Variants in MOCS2 observed in about 807,000 individuals in gnomAD.
The protein encoded by MOCS2 is molybdopterin synthase catalytic subunit.
In MOCS2, 13 loss-of-function variants were observed where a neutral mutation model predicts 21.9. The ratio of observed to expected loss-of-function variants is 0.59; its 90% CI spans 0.39 to 0.94. The LOEUF is 0.94. Among genes scored for constraint, MOCS2 ranks in the 40% least tolerant of loss-of-function variants. The probability of loss-of-function intolerance (pLI) is 0.00; values close to 1 mark genes in which losing one functional copy is unlikely to be tolerated. For missense variants in MOCS2, 227 were observed against 218.3 expected, an observed-to-expected ratio of 1.04 and a Z score of -0.25; for synonymous variants, 92 against 80.8, an observed-to-expected ratio of 1.14 and a Z score of -0.74.
At chr5:53,099,729 C>T (rs1740855090) in intron 6 of MOCS2, among the ~76,000 whole-genome samples, 1 of 152,192 alleles carries the variant, frequency 6.6e-6, no homozygotes, top group Non-Finnish European at 1.5e-5. Flanking sequence ...ATCTACTGAG[C>T]TGTTCATTAA....
intron 5 of MOCS2, chr5:53,101,037 G>A: frequency 2.6e-6 from 1 of 390,582 alleles, no homozygotes; most frequent in Non-Finnish European, 4.6e-6. Flanking sequence ...TCTTTTTAGG[G>A]GTACAAAAAG....
intron 3 of MOCS2, among the ~76,000 whole-genome samples, chr5:53,104,903 T>C (rs1278703241): frequency 6.6e-6 from 1 of 152,232 alleles, no homozygotes; most frequent in Non-Finnish European, 1.5e-5. Flanking sequence ...TAATTTCTAC[T>C]GTTTGTTCCT....
intron 5 of MOCS2, 166 bp from the exon 6 acceptor site, chr5:53,100,700 C>A: frequency 2.9e-6 from 2 of 697,248 alleles, no homozygotes; most frequent in Admixed American, 2.5e-5. Flanking sequence ...ATTGCAGTAG[C>A]ATTCAGCAGA....
rs1347253042 is a variant in MOCS2, at chr5:53,096,504, AG to A, written c.*2097del. 1 of 152,194 alleles carries A rather than the reference AG, an allele frequency of 6.6e-6. No individual in the cohort carries two copies. The highest frequency in any genetic ancestry group is 2.4e-5 in the African/African-American group (1 of 41,458). The allele number at this position is 152,194 out of a possible 1,614,324, so 9.4% of individuals were successfully genotyped here. On this transcript the variant is annotated 3_prime_UTR_variant, in exon 7 of 7. Coordinates refer to ENST00000396954, the MANE Select transcript of MOCS2 (RefSeq NM_004531.5). ...TGATTAAAGGCTAATTATTTTTTTTAGATTACTCTTCTAGTTACTTGAAGCT... is the reference window on the plus strand; with the variant it reads ...TGATTAAAGGCTAATTATTTTTTTTAATTACTCTTCTAGTTACTTGAAGCT...
chr5:53,106,973 A>C, intron 3 of MOCS2, 104 bp downstream of exon 3: 1 of 1,304,888 alleles, frequency 7.7e-7, no homozygotes. Flanking sequence ...GATTTGGTAC[A>C]GACAGACTTA....
chr5:53,109,406 A>C lies in MOCS2; in HGVS notation c.-325T>G, dbSNP rs1469536679. ...AAATTTTAGCTTCATCAAAACGAAT[A>C]ATCTGGGAAAGAGGTGGTCATAAAA... is the stretch of plus-strand genomic sequence containing the variant. On this transcript the variant is annotated 5_prime_UTR_variant, in exon 1 of 7. The change creates a new upstream start codon in the 5' untranslated region. Coordinates refer to ENST00000396954, the MANE Select transcript of MOCS2 (RefSeq NM_004531.5). 1.6e-6 allele frequency: 2 copies of C among 1,225,290 alleles called. No individual in the cohort carries two copies. The highest frequency in any genetic ancestry group is 2.0e-6 in the Non-Finnish European group (2 of 982,856). 75.9% of individuals were successfully genotyped at this position (1,225,290 alleles called of 1,614,324 possible). A position where few individuals can be genotyped will look rare whatever the true frequency, so the allele number is the denominator to read the frequency against.
intron 1 of MOCS2, among the ~76,000 whole-genome samples, chr5:53,108,924 G>A (rs148493804): frequency 6.6e-5 from 10 of 152,276 alleles, no homozygotes; most frequent in African/African-American, 2.4e-4. Flanking sequence ...AGGAAAACAT[G>A]TTAAGCCTGC....
At position 53,109,511 on chromosome 5, in the gene MOCS2, G is replaced by A. The variant is rs1198148495; in HGVS notation, c.-430C>T. The A allele has an allele frequency of 2.2e-6, 3 of 1,367,480 alleles. No homozygotes were observed. The African/African-American group carries it at 4.5e-5, about 21-fold the overall frequency. 84.7% of individuals were successfully genotyped at this position (1,367,480 alleles called of 1,614,324 possible). On this transcript the variant is annotated 5_prime_UTR_variant, in exon 1 of 7. Transcript: ENST00000396954. Reference sequence around the variant, plus strand: ...TCTCGGAGAGGACCCGACTTCTGCTGGGGCAGTCGCAGTAAAGCCCGGAGA... The same window carrying A: ...TCTCGGAGAGGACCCGACTTCTGCTAGGGCAGTCGCAGTAAAGCCCGGAGA...
intron 6 of MOCS2, 111 bp downstream of exon 6, chr5:53,100,299 GA>G: frequency 8.1e-7 from 1 of 1,233,692 alleles, no homozygotes; most frequent in Non-Finnish European, 1.2e-6. Context: ...CACAGATAAA[GA>G]AAACAAGATA....
intron 6 of MOCS2, among the ~76,000 whole-genome samples, chr5:53,099,580 T>C (rs77783100): frequency 0.039 from 5,871 of 152,338 alleles, 167 homozygotes; most frequent in Middle Eastern, 0.075. Flanking sequence ...AATTTTATTC[T>C]GAAAACATGG....
chr5:53,101,474 T>C lies in MOCS2; in HGVS notation c.262A>G (p.Ile88Val). 1.2e-6 allele frequency: 2 copies of C among 1,611,332 alleles called. No individual in the cohort carries two copies. Among genetic ancestry groups the C allele is most frequent in the Non-Finnish European group, 1.7e-6 (2 of 1,177,978 alleles). Residue 88 changes from isoleucine (I) to valine (V), a missense_variant, in exon 5 of 7, where the codon ATT (isoleucine) becomes GTT (valine). Coordinates refer to ENST00000396954, the MANE Select transcript of MOCS2 (RefSeq NM_004531.5). ...TRNNFEGKKV[I>V]SLEYEAYLPM... ...AGATATGCTTCATATTCTAAGCTAA[T>C]GACTTTTTTCCCTTCAAAGTTATTT...
chr5:53,100,361 C>T, intron 6 of MOCS2, 50 bp downstream of exon 6: 1 of 1,609,000 alleles, frequency 6.2e-7, no homozygotes, highest in Middle Eastern at 1.7e-4. Flanking sequence ...CTAAAAATTC[C>T]TGAGAAAAAT....
chr5:53,101,246 G>A lies in MOCS2; in HGVS notation c.377+113C>T. On this transcript the variant is annotated intron_variant, in intron 5 of 6. Transcript: ENST00000396954. ...CTATTGTCCTCCAAAAATAATACATGAATATTCCTCTCATGGTAATATAGA... is the reference window on the plus strand; with the variant it reads ...CTATTGTCCTCCAAAAATAATACATAAATATTCCTCTCATGGTAATATAGA... 6.0e-6 allele frequency: 7 copies of A among 1,166,288 alleles called. No individual in the cohort carries two copies. In the South Asian group the frequency reaches 8.7e-5, roughly 14 times the overall value. 72.2% of individuals were successfully genotyped at this position (1,166,288 alleles called of 1,614,324 possible). A position where few individuals can be genotyped will look rare whatever the true frequency, so the allele number is the denominator to read the frequency against.
chr5:53,100,109 C>T (rs1316022712), intron 6 of MOCS2, among the ~76,000 whole-genome samples: 1 of 152,110 alleles, frequency 6.6e-6, no homozygotes, highest in Non-Finnish European at 1.5e-5. Flanking sequence ...CACTCTCCAA[C>T]AGAAAGACCC....
chr5:53,106,102 T>C (rs1012675420), intron 3 of MOCS2, among the ~76,000 whole-genome samples: 3 of 149,100 alleles, frequency 2.0e-5, no homozygotes, highest in Admixed American at 2.0e-4. Context: ...GGAATGCTTA[T>C]ACACTGCTGC....
In MOCS2 at chr5:53,097,420, CAAAT is replaced by C. The variant is rs1221724526; in HGVS notation, c.*1178_*1181del. 6.6e-6 allele frequency: 1 copy of C among 152,128 alleles called. No homozygotes were observed. The highest frequency in any genetic ancestry group is 1.5e-5 in the Non-Finnish European group (1 of 68,018). The allele number at this position is 152,128 out of a possible 1,614,324, so 9.4% of individuals were successfully genotyped here. On this transcript the variant is annotated 3_prime_UTR_variant, in exon 7 of 7. Transcript: ENST00000396954. ...TAAAAGATGTTTTCACTACATATAA[CAAAT>C]AGGATTACTACGTTTCTTATTTGTC...
In MOCS2 at chr5:53,109,519, C is replaced by G. The variant is rs142034379; in HGVS notation, c.-438G>C. 9.6e-6 allele frequency: 13 copies of G among 1,347,354 alleles called. No individual in the cohort carries two copies. The East Asian group carries it at 2.5e-4, about 26-fold the overall frequency. The allele number at this position is 1,347,354 out of a possible 1,614,324, so 83.5% of individuals were successfully genotyped here. A position where few individuals can be genotyped will look rare whatever the true frequency, so the allele number is the denominator to read the frequency against. On this transcript the variant is annotated 5_prime_UTR_variant, in exon 1 of 7. Coordinates refer to ENST00000396954, the MANE Select transcript of MOCS2 (RefSeq NM_004531.5). ...AGGACCCGACTTCTGCTGGGGCAGT[C>G]GCAGTAAAGCCCGGAGACAGGAAGG...
chr5:53,104,756 G>C (rs1317457685), intron 3 of MOCS2, among the ~76,000 whole-genome samples: 1 of 152,142 alleles, frequency 6.6e-6, no homozygotes, highest in Non-Finnish European at 1.5e-5. Context: ...TCCTTGGCTT[G>C]CTCCTTTCTT....
At chr5:53,107,580 A>G (rs764362723) in intron 2 of MOCS2, 1 of 246,766 alleles carries the variant, frequency 4.1e-6, no homozygotes, top group Non-Finnish European at 7.9e-6. Flanking sequence ...CCATGTGTTC[A>G]AGCACAAGTA....
Sources: gnomAD v4.1 joint callset for allele counts (sites outside exome capture counted in the v4.1 genomes callset) on GRCh38, gnomAD v4.1.1 for gene constraint, MANE v1.5 for transcripts, NCBI Gene and HGNC (gene_info 2026-07-23, HGNC 2026-07-21) for gene names.